Variants in XKR6 observed in about 807,000 individuals in gnomAD.
XKR6 encodes XK related 6.
XKR6 carries 22 observed loss-of-function variants against 56.7 expected under a neutral mutation model. The observed-to-expected ratio is 0.39, with a 90% CI of 0.28 to 0.55. The LOEUF (loss-of-function observed/expected upper bound fraction) is 0.55. XKR6 is among the 20% of genes least tolerant of loss of function. XKR6 has a pLI of 0.66. For missense variants in XKR6, 852 were observed against 889.0 expected (o/e 0.96, Z 0.53); for synonymous variants, 524 against 387.8 (o/e 1.35, Z -4.13).
At chr8:11,158,586 G>T (rs1224958600) in intron 1 of XKR6, among the ~76,000 whole-genome samples, 5 of 152,056 alleles carry the variant, frequency 3.3e-5, no homozygotes, top group African/African-American at 1.2e-4. Context: ...TTGAGACCCT[G>T]ACCAACACAA....
At chr8:10,913,925 C>T (rs1471861458) in intron 2 of XKR6, among the ~76,000 whole-genome samples, 3 of 152,192 alleles carry the variant, frequency 2.0e-5, no homozygotes, top group African/African-American at 7.2e-5. Context: ...TTGCAGATAA[C>T]AGGTTTCAGA....
chr8:10,938,195 C>G (rs905908302), intron 1 of XKR6, among the ~76,000 whole-genome samples: 1 of 152,178 alleles, frequency 6.6e-6, no homozygotes, highest in Admixed American at 6.5e-5. Context: ...TTCTTTGACT[C>G]GGAAAGGGAA....
chr8:11,007,496 G>A (rs1385434675), intron 1 of XKR6, among the ~76,000 whole-genome samples: 2 of 152,242 alleles, frequency 1.3e-5, no homozygotes, highest in East Asian at 1.9e-4. Flanking sequence ...TCGCATGGAC[G>A]AAGAAACACA....
chr8:11,090,353 G>A (rs932974455), intron 1 of XKR6, among the ~76,000 whole-genome samples: 1 of 151,750 alleles, frequency 6.6e-6, no homozygotes, highest in Non-Finnish European at 1.5e-5. Context: ...CTCCCAAAGT[G>A]TTGGGATTAC....
At chr8:11,170,824 C>G (rs1425604482) in intron 1 of XKR6, among the ~76,000 whole-genome samples, 1 of 152,188 alleles carries the variant, frequency 6.6e-6, no homozygotes, top group African/African-American at 2.4e-5. Flanking sequence ...AGTACATTCT[C>G]AAAATTCTCC....
intron 1 of XKR6, among the ~76,000 whole-genome samples, chr8:11,072,449 G>A (rs1455602123): frequency 2.6e-5 from 4 of 152,062 alleles, no homozygotes; most frequent in Non-Finnish European, 4.4e-5. Context: ...AAGGTCTGTT[G>A]GAGAGGCAGC....
chr8:11,032,731 C>T (rs961451670), intron 1 of XKR6, among the ~76,000 whole-genome samples: 7 of 152,162 alleles, frequency 4.6e-5, no homozygotes, highest in African/African-American at 9.7e-5. Context: ...TAGGGGTCTG[C>T]TCCAGGGCAT....
intron 1 of XKR6, among the ~76,000 whole-genome samples, chr8:11,166,793 G>C (rs1802098748): frequency 6.6e-6 from 1 of 152,044 alleles, no homozygotes; most frequent in Non-Finnish European, 1.5e-5. Context: ...GGCTGGTCTG[G>C]AACTCGTGAC....
At chr8:11,053,263 G>T (rs1267608298) in intron 1 of XKR6, among the ~76,000 whole-genome samples, 1 of 152,220 alleles carries the variant, frequency 6.6e-6, no homozygotes. Context: ...CTAGGGGCAA[G>T]GGGCTTATTT....
At chr8:11,092,771 T>G (rs919976874) in intron 1 of XKR6, among the ~76,000 whole-genome samples, 11 of 152,216 alleles carry the variant, frequency 7.2e-5, no homozygotes, top group African/African-American at 2.7e-4. Context: ...TCAACCTCTT[T>G]CAATTTTTCT....
intron 1 of XKR6, among the ~76,000 whole-genome samples, chr8:10,993,157 TAGTAA>T (rs1370642742): frequency 6.6e-6 from 1 of 152,228 alleles, no homozygotes; most frequent in African/African-American, 2.4e-5. Flanking sequence ...CAAGCTCCAG[TAGTAA>T]AGTAATCTTC....
intron 1 of XKR6, among the ~76,000 whole-genome samples, chr8:10,944,567 G>T (rs190898079): frequency 1.1e-4 from 17 of 152,282 alleles, no homozygotes; most frequent in African/African-American, 4.1e-4. Flanking sequence ...GCAAGGTCTG[G>T]CAGCTCAAAG....
In XKR6 at chr8:11,200,760, C is replaced by T. The variant is rs1438230532; in HGVS notation, c.580G>A (p.Gly194Ser). 3 of 1,599,078 alleles carry T rather than the reference C, an allele frequency of 1.9e-6. No individual in the cohort carries two copies. The highest frequency in any genetic ancestry group is 1.4e-5 in the African/African-American group (1 of 72,974). Residue 194 changes from glycine (G) to serine (S), a missense_variant, in exon 1 of 3, where the codon GGC (glycine) becomes AGC (serine). Gly to Ser is a moderately conservative substitution (Grantham distance 56, BLOSUM62 0). Around this residue, in one of 4 missense-constraint regions of XKR6, gnomAD observed 417 missense variants for 355.2 expected, o/e 1.17. Transcript: ENST00000416569. The surrounding 1 kb of genome is among the most constrained non-coding windows in gnomAD (Gnocchi z 6.4). ...CGGCTGGTGAGCCCCTCCACGGCGC[C>T]CAGCCCGCCGCCCGTGTAGTCCTGC... is the stretch of plus-strand genomic sequence containing the variant. ...FVQDYTGGGL[G>S]AVEGLTSRGP...
chr8:11,134,992 T>C (rs999327814), intron 1 of XKR6, among the ~76,000 whole-genome samples: 22 of 152,056 alleles, frequency 1.4e-4, no homozygotes, highest in Non-Finnish European at 2.8e-4. Flanking sequence ...TATTTGTTTA[T>C]TTTAAGTATA....
chr8:10,979,251 C>A (rs139507083), intron 1 of XKR6, among the ~76,000 whole-genome samples: 87 of 152,208 alleles, frequency 5.7e-4, no homozygotes, highest in African/African-American at 2.0e-3. Flanking sequence ...CTCCCCCAAC[C>A]CCCAAGGGCC....
At chr8:10,993,867 T>C (rs945048277) in intron 1 of XKR6, among the ~76,000 whole-genome samples, 3 of 152,292 alleles carry the variant, frequency 2.0e-5, no homozygotes, top group African/African-American at 7.2e-5. Context: ...TATATAGCCC[T>C]ATACCTGCAG....
At chr8:11,189,614 A>G (rs1435200407) in intron 1 of XKR6, among the ~76,000 whole-genome samples, 1 of 152,206 alleles carries the variant, frequency 6.6e-6, no homozygotes, top group Non-Finnish European at 1.5e-5. Flanking sequence ...CAAAAAACAA[A>G]TTCCCAAGCA....
intron 2 of XKR6, among the ~76,000 whole-genome samples, chr8:10,917,934 G>A (rs1800605741): frequency 6.6e-6 from 1 of 152,198 alleles, no homozygotes; most frequent in African/African-American, 2.4e-5. Context: ...TATGTGTGGG[G>A]AGACAGGTAA....
At chr8:11,177,445 T>C (rs1465014574) in intron 1 of XKR6, among the ~76,000 whole-genome samples, 2 of 152,204 alleles carry the variant, frequency 1.3e-5, no homozygotes, top group Non-Finnish European at 2.9e-5. Context: ...CCATGAGTGT[T>C]ATGGGCTCAA....
Sources: gnomAD v4.1 joint callset for allele counts (sites outside exome capture counted in the v4.1 genomes callset) on GRCh38, gnomAD v4.1.1 for gene constraint, gnomAD v4.1.1 regional missense constraint, Gnocchi (gnomAD v3.1) non-coding constraint, MANE v1.5 for transcripts, NCBI Gene and HGNC (gene_info 2026-07-23, HGNC 2026-07-21) for gene names.